EP400: variants seen among roughly 807,000 people sequenced by gnomAD.
The protein encoded by EP400 is E1A binding protein p400.
EP400 carries 105 observed loss-of-function variants against 354.1 expected under a neutral mutation model. The ratio of observed to expected loss-of-function variants is 0.30; its 90% CI spans 0.25 to 0.35. The LOEUF is 0.35. Among genes scored for constraint, EP400 ranks in the 10% least tolerant of loss-of-function variants. EP400 has a pLI of 1.00. For missense variants in EP400, 3,280 were observed against 4,121.0 expected (o/e 0.80, Z 5.59); for synonymous variants, 1,646 against 1,716.9 (o/e 0.96, Z 1.02).
intron 19 of EP400, among the ~76,000 whole-genome samples, chr12:132,015,685 G>T (rs1893905401): frequency 6.6e-6 from 1 of 152,180 alleles, no homozygotes; most frequent in African/African-American, 2.4e-5. Context: ...CTGCTCCCTG[G>T]GTTAATGGCA....
intron 12 of EP400, among the ~76,000 whole-genome samples, chr12:131,999,259 C>T (rs965946474): frequency 7.2e-5 from 11 of 152,062 alleles, no homozygotes; most frequent in Admixed American, 5.9e-4. Flanking sequence ...ATTTGCAGTG[C>T]GTGGAAGCCT....
chr12:132,012,735 C>T (rs1893806139), intron 16 of EP400, among the ~76,000 whole-genome samples: 1 of 152,164 alleles, frequency 6.6e-6, no homozygotes, highest in Non-Finnish European at 1.5e-5. Flanking sequence ...GATCCTCTGC[C>T]ATAATCTCAG....
At chr12:132,021,938 G>A (rs1894135866) in intron 23 of EP400, among the ~76,000 whole-genome samples, 2 of 152,102 alleles carry the variant, frequency 1.3e-5, no homozygotes, top group Admixed American at 1.3e-4. Flanking sequence ...TCATTCTGTG[G>A]TGGAAATTAT....
chr12:131,983,323 A>C (rs1892745552), intron 5 of EP400, among the ~76,000 whole-genome samples: 1 of 152,230 alleles, frequency 6.6e-6, no homozygotes, highest in Non-Finnish European at 1.5e-5. Context: ...AAATGTGTGT[A>C]AGGTGTTACT....
intron 50 of EP400, 125 bp from the exon 51 acceptor site, chr12:132,069,370 G>A: frequency 1.5e-6 from 2 of 1,370,976 alleles, no homozygotes; most frequent in Non-Finnish European, 2.0e-6. Flanking sequence ...GTATGCACAG[G>A]GTTGGTCTGG....
chr12:132,020,044 T>C lies in EP400; in HGVS notation c.4278-5T>C, dbSNP rs753298782. ...ATCTTCTTGCCTGGACCAATGGGCATCTAGGTTGTTTCAGCCTGTGCAGTA... is the reference window on the plus strand; with the variant it reads ...ATCTTCTTGCCTGGACCAATGGGCACCTAGGTTGTTTCAGCCTGTGCAGTA... On this transcript the variant is annotated splice_region_variant and splice_polypyrimidine_tract_variant and intron_variant, in intron 21 of 52. Transcript: ENST00000389561. 5 of 1,528,816 alleles carry C rather than the reference T, an allele frequency of 3.3e-6. No individual in the cohort carries two copies. The South Asian group carries it at 6.2e-5, about 19-fold the overall frequency. 94.7% of individuals were successfully genotyped at this position (1,528,816 alleles called of 1,614,324 possible).
At chr12:131,993,804 G>A (rs768030611) in intron 11 of EP400, among the ~76,000 whole-genome samples, 3 of 152,150 alleles carry the variant, frequency 2.0e-5, no homozygotes, top group Non-Finnish European at 4.4e-5. Flanking sequence ...GTAAAGATAC[G>A]GTATTACAGT....
rs746136613 is a variant in EP400 at position 132,055,016 on chromosome 12, A to G, written c.7771A>G (p.Thr2591Ala). 1.9e-6 allele frequency: 3 copies of G among 1,613,894 alleles called. No homozygotes were observed. The highest frequency in any genetic ancestry group is 2.2e-5 in the South Asian group (2 of 91,082). Residue 2591 changes from threonine to alanine, a missense_variant, in exon 44 of 53, where the codon ACT (threonine) becomes GCT (alanine). Thr to Ala is a moderately conservative substitution (Grantham distance 58, BLOSUM62 0). Coordinates refer to ENST00000389561, the MANE Select transcript of EP400 (RefSeq NM_015409.5). ...KTSVTGTSMP[T>A]GAVSGNVIVN... Reference sequence around the variant, plus strand: ...ATCAGTTACTGGGACGAGCATGCCCACTGGTAAGACAAATACAGAGATGCT... The same window carrying G: ...ATCAGTTACTGGGACGAGCATGCCCGCTGGTAAGACAAATACAGAGATGCT...
At chr12:131,952,192 A>G (rs1463914486) in intron 1 of EP400, among the ~76,000 whole-genome samples, 1 of 147,422 alleles carries the variant, frequency 6.8e-6, no homozygotes, top group Non-Finnish European at 1.5e-5. Flanking sequence ...AGTCCCAGCT[A>G]CTCGGGAGGC....
At chr12:132,065,741 T>C (rs1301998854) in intron 48 of EP400, 2 of 152,116 alleles carry the variant, frequency 1.3e-5, no homozygotes, top group Non-Finnish European at 2.9e-5. Context: ...GCAGAGTGAG[T>C]AGAAGTGGAT....
chr12:131,988,742 G>C lies in EP400; in HGVS notation c.2409+852G>C, dbSNP rs534203301. Among the ~76,000 whole-genome samples, 6 of 152,288 alleles carry C rather than the reference G, an allele frequency of 3.9e-5. No homozygotes were observed. The South Asian group carries it at 1.2e-3, about 32-fold the overall frequency. The stretch of plus-strand genomic sequence containing the variant: ...TGCTTTCACTGTGTGAACAGCCGTG[G>C]CCCTTCTTTATCCTCCTCATTACTG... On this transcript the variant is annotated intron_variant, in intron 7 of 52. Coordinates refer to ENST00000389561, the MANE Select transcript of EP400 (RefSeq NM_015409.5).
intron 21 of EP400, among the ~76,000 whole-genome samples, 154 bp from the exon 22 acceptor site, chr12:132,019,895 G>A (rs1258823381): frequency 6.6e-6 from 1 of 152,078 alleles, no homozygotes; most frequent in African/African-American, 2.4e-5. Context: ...CAGTACTTAG[G>A]CATCTTTCCC....
intron 2 of EP400, among the ~76,000 whole-genome samples, chr12:131,964,398 C>T (rs60587130): frequency 0.15 from 22,653 of 151,986 alleles, 2,393 homozygotes; most frequent in African/African-American, 0.3. Flanking sequence ...ACCTGGGAGG[C>T]GGAGGTTGCA....
chr12:131,974,635 G>T (rs1180706853), intron 2 of EP400, among the ~76,000 whole-genome samples: 4 of 152,116 alleles, frequency 2.6e-5, no homozygotes, highest in African/African-American at 4.8e-5. Context: ...TCCCTTCAGA[G>T]TGTTTTTTCT....
chr12:131,950,624 C>T (rs1399476453), intron 1 of EP400, among the ~76,000 whole-genome samples: 1 of 152,222 alleles, frequency 6.6e-6, no homozygotes, highest in African/African-American at 2.4e-5. Context: ...CCTGCCCGGT[C>T]CTCCACGGCG....
chr12:132,008,751 G>A (rs1310278192), intron 15 of EP400, among the ~76,000 whole-genome samples: 1 of 151,058 alleles, frequency 6.6e-6, no homozygotes, highest in African/African-American at 2.4e-5. Context: ...CCAAGTAGCT[G>A]GGACTACAGA....
At chr12:132,066,641 T>C in intron 48 of EP400, 133 bp from the exon 49 acceptor site, 2 of 948,914 alleles carry the variant, frequency 2.1e-6, no homozygotes, top group Non-Finnish European at 3.1e-6. Flanking sequence ...AGTTTTCCTT[T>C]CCTGTTGGGC....
chr12:132,000,129 A>G (rs1893358951), intron 12 of EP400, among the ~76,000 whole-genome samples: 1 of 151,814 alleles, frequency 6.6e-6, no homozygotes, highest in African/African-American at 2.4e-5. Context: ...TAAACATTTA[A>G]GGGTCTGAAT....
At chr12:132,019,575 C>G (rs1461818472) in intron 21 of EP400, among the ~76,000 whole-genome samples, 1 of 151,984 alleles carries the variant, frequency 6.6e-6, no homozygotes, top group Non-Finnish European at 1.5e-5. Flanking sequence ...TGGTGGTGCA[C>G]ACCTGTATTC....
Sources: gnomAD v4.1 joint callset for allele counts (sites outside exome capture counted in the v4.1 genomes callset) on GRCh38, gnomAD v4.1.1 for gene constraint, MANE v1.5 for transcripts, NCBI Gene and HGNC (gene_info 2026-07-23, HGNC 2026-07-21) for gene names.